Variants in THBS2 observed in about 807,000 individuals in gnomAD.
THBS2 encodes the protein thrombospondin-2.
In THBS2, 47 loss-of-function variants were observed where a neutral mutation model predicts 135.2. The observed-to-expected ratio is 0.35, with a 90% CI of 0.28 to 0.44. THBS2 has a LOEUF of 0.44. THBS2 is among the 20% of genes least tolerant of loss of function. THBS2 has a pLI of 1.00. For synonymous variants in THBS2, 639 were observed against 633.8 expected, an observed-to-expected ratio of 1.01 and a Z score of -0.12; for missense variants, 1,288 against 1,603.1, an observed-to-expected ratio of 0.80 and a Z score of 3.36.
chr6:169,220,466 AG>A (rs900769916), intron 20 of THBS2, 129 bp from the exon 21 acceptor site: 27 of 1,178,336 alleles, frequency 2.3e-5, no homozygotes, highest in Non-Finnish European at 2.9e-5. Flanking sequence ...TCAGTGCCCC[AG>A]GGGGCATTGC....
At chr6:169,224,015 G>A (rs1244328442) in intron 17 of THBS2, among the ~76,000 whole-genome samples, 1 of 152,124 alleles carries the variant, frequency 6.6e-6, no homozygotes, top group Non-Finnish European at 1.5e-5. Flanking sequence ...GGATGAGGTG[G>A]GCCTGGTGCA....
chr6:169,249,844 C>T (rs1583423161), intron 2 of THBS2, among the ~76,000 whole-genome samples: 2 of 152,108 alleles, frequency 1.3e-5, no homozygotes, highest in African/African-American at 4.8e-5. Flanking sequence ...TCATGGCTAA[C>T]GTGGTGAAAC....
At chr6:169,243,035 ACCG>A (rs1225879040) in intron 4 of THBS2, among the ~76,000 whole-genome samples, 19 of 18,048 alleles carry the variant, frequency 1.1e-3, no homozygotes, top group East Asian at 2.2e-3. Context: ...CCACCTTCCC[ACCG>A]CTCCCACCTT....
intron 5 of THBS2, among the ~76,000 whole-genome samples, chr6:169,240,844 G>T (rs1464959375): frequency 2.6e-5 from 4 of 152,060 alleles, no homozygotes; most frequent in Non-Finnish European, 4.4e-5. Context: ...GAAATCGCGT[G>T]GCTCACATCA....
At chr6:169,239,827 G>A in intron 6 of THBS2, 132 bp from the exon 7 acceptor site, 1 of 694,644 alleles carries the variant, frequency 1.4e-6, no homozygotes, top group East Asian at 2.8e-5. Flanking sequence ...TTACAGAGAT[G>A]TGAAAATAAG....
At chr6:169,231,519 C>T in intron 13 of THBS2, among the ~76,000 whole-genome samples, 1 of 152,196 alleles carries the variant, frequency 6.6e-6, no homozygotes, top group East Asian at 1.9e-4. Context: ...GGATGGGCCC[C>T]GAAGGAGCTC....
intron 4 of THBS2, among the ~76,000 whole-genome samples, chr6:169,244,715 A>T (rs1208319576): frequency 6.6e-6 from 1 of 152,142 alleles, no homozygotes; most frequent in Admixed American, 6.5e-5. Context: ...CCCCCAGAAG[A>T]GCACTGCCTC....
chr6:169,232,073 G>T lies in THBS2; in HGVS notation c.2058C>A (p.Gly686=). The T allele has an allele frequency of 6.2e-7, 1 of 1,614,094 alleles. No individual in the cohort carries two copies. Among genetic ancestry groups the T allele is most frequent in the Non-Finnish European group, 8.5e-7 (1 of 1,179,976 alleles). ...AGTCCTCCCCGCAGATGAGCCCGTCGCCCGCGTAGCCTGTCTGGCACTCGC... is the reference window on the plus strand; with the variant it reads ...AGTCCTCCCCGCAGATGAGCCCGTCTCCCGCGTAGCCTGTCTGGCACTCGC... ...YKCECQTGYA[G]DGLICGEDSD... Residue 686 remains glycine (G), a synonymous_variant, in exon 13 of 22, where the codon GGC becomes GGA. Transcript: ENST00000617924.
intron 21 of THBS2, among the ~76,000 whole-genome samples, chr6:169,219,389 ATGGATGGATGGG>A (rs1433398962): frequency 1.3e-5 from 2 of 148,462 alleles, no homozygotes; most frequent in South Asian, 2.2e-4. Context: ...GGATGAATGG[ATGGATGGATGGG>A]TGGATGGATG....
chr6:169,248,198 G>T (rs1034654558), intron 3 of THBS2, among the ~76,000 whole-genome samples: 2 of 151,970 alleles, frequency 1.3e-5, no homozygotes, highest in Non-Finnish European at 2.9e-5. Flanking sequence ...TGGTGTGTGT[G>T]CATGTGTGCA....
intron 21 of THBS2, chr6:169,219,815 T>C (rs998247699): frequency 7.7e-6 from 4 of 520,292 alleles, no homozygotes; most frequent in African/African-American, 4.2e-5. Flanking sequence ...GAGATAACTA[T>C]AGAGAAACTC....
At chr6:169,245,510 A>G (rs1042081119) in intron 4 of THBS2, among the ~76,000 whole-genome samples, 1 of 152,106 alleles carries the variant, frequency 6.6e-6, no homozygotes, top group Non-Finnish European at 1.5e-5. Flanking sequence ...GAAAACTTCT[A>G]GGCCGGGCGT....
chr6:169,222,284 G>C lies in THBS2; in HGVS notation c.3186C>G (p.Gly1062=). ...DQPTRAYGYS[G]VSLKVVNSTT... ...TGGAGTTCACCACCTTGAGGGACACGCCGGAGTAGCCATAGGCCCGCGTGG... is the reference window on the plus strand; with the variant it reads ...TGGAGTTCACCACCTTGAGGGACACCCCGGAGTAGCCATAGGCCCGCGTGG... The change falls in exon 19 of 22, where the codon GGC becomes GGG. Residue 1062 remains glycine, a synonymous_variant. Transcript: ENST00000617924. 6 of 1,613,280 alleles carry C rather than the reference G, an allele frequency of 3.7e-6. No homozygotes were observed. Among genetic ancestry groups the C allele is most frequent in the Non-Finnish European group, 5.1e-6 (6 of 1,180,030 alleles).
intron 13 of THBS2, 28 bp downstream of exon 13, chr6:169,231,952 C>T (rs891039001): frequency 5.6e-6 from 9 of 1,610,364 alleles, no homozygotes; most frequent in Admixed American, 3.3e-5. Flanking sequence ...GCCGTGGCCC[C>T]GTGTGCCCTG....
intron 7 of THBS2, chr6:169,239,355 C>T (rs972201603): frequency 7.4e-6 from 4 of 540,968 alleles, no homozygotes; most frequent in Non-Finnish European, 1.3e-5. Flanking sequence ...TCAGCTTCCT[C>T]GTCTGAGAAG....
intron 2 of THBS2, among the ~76,000 whole-genome samples, chr6:169,250,025 G>A (rs1044372677): frequency 2.8e-5 from 4 of 142,914 alleles, no homozygotes; most frequent in Non-Finnish European, 4.7e-5. Flanking sequence ...GCAGGACTCC[G>A]TCCCAGAAAA....
intron 4 of THBS2, among the ~76,000 whole-genome samples, chr6:169,245,833 G>A (rs887783081): frequency 1.1e-4 from 17 of 150,358 alleles, no homozygotes; most frequent in Non-Finnish European, 2.2e-4. Context: ...AGTCAAGTTC[G>A]ACAAATATCT....
chr6:169,251,946 G>A (rs1780770644), intron 1 of THBS2: 3 of 152,124 alleles, frequency 2.0e-5, no homozygotes, highest in Middle Eastern at 3.4e-3. Flanking sequence ...GCACCAGGCT[G>A]AGCAATGCTG....
intron 10 of THBS2, among the ~76,000 whole-genome samples, chr6:169,234,239 C>T (rs1779952034): frequency 6.6e-6 from 1 of 150,824 alleles, no homozygotes; most frequent in Non-Finnish European, 1.5e-5. Context: ...TGCAACTACC[C>T]ACACACCATG....
Sources: allele counts gnomAD v4.1 joint callset (sites outside exome capture counted in the v4.1 genomes callset), GRCh38; gene constraint gnomAD v4.1.1; transcripts MANE v1.5; gene names NCBI Gene and HGNC (gene_info 2026-07-23, HGNC 2026-07-21).